RALGAPA1: variants seen among roughly 807,000 people sequenced by gnomAD.
RALGAPA1 encodes ral GTPase-activating protein subunit alpha-1.
RALGAPA1 carries 52 observed loss-of-function variants against 269.6 expected under a neutral mutation model. The observed-to-expected ratio is 0.19, with a 90% CI of 0.15 to 0.24. The LOEUF is 0.24. Ranked by LOEUF, RALGAPA1 falls within the 10% of genes least tolerant of loss-of-function variation. RALGAPA1 has a pLI of 1.00. For synonymous variants in RALGAPA1, 817 were observed against 1,008.3 expected (o/e 0.81, Z 3.60); for missense variants, 1,917 against 3,013.9 (o/e 0.64, Z 8.52).
intron 1 of RALGAPA1, 115 bp from the exon 2 acceptor site, chr14:35,775,860 A>T (rs2074985429): frequency 9.5e-7 from 1 of 1,050,210 alleles, no homozygotes; most frequent in Non-Finnish European, 1.3e-6. Context: ...ATTCTATTCT[A>T]TTAAAATATT....
chr14:35,654,805 C>T (rs988668051), intron 29 of RALGAPA1, among the ~76,000 whole-genome samples: 3 of 152,128 alleles, frequency 2.0e-5, no homozygotes, highest in African/African-American at 7.2e-5. Context: ...ACCACACTTC[C>T]AAATTAATCT....
chr14:35,563,811 C>T (rs968872484), intron 39 of RALGAPA1, among the ~76,000 whole-genome samples: 3 of 152,096 alleles, frequency 2.0e-5, no homozygotes, highest in African/African-American at 7.2e-5. Context: ...TCATCTAATG[C>T]AAAGCCTATA....
chr14:35,602,253 G>C (rs2059336689), intron 36 of RALGAPA1, among the ~76,000 whole-genome samples: 1 of 152,170 alleles, frequency 6.6e-6, no homozygotes. Flanking sequence ...TTTTGCTAGA[G>C]TAAATAATGC....
intron 31 of RALGAPA1, among the ~76,000 whole-genome samples, chr14:35,644,894 T>A (rs1248216986): frequency 6.6e-6 from 1 of 152,152 alleles, no homozygotes; most frequent in Non-Finnish European, 1.5e-5. Flanking sequence ...TGCACATGTA[T>A]CCTGGAACTT....
intron 33 of RALGAPA1, among the ~76,000 whole-genome samples, chr14:35,630,359 C>T (rs2061282691): frequency 1.3e-5 from 2 of 151,796 alleles, no homozygotes; most frequent in African/African-American, 4.8e-5. Flanking sequence ...ACGATCTTGG[C>T]TCACTGCAGC....
chr14:35,765,745 C>G (rs777351479), intron 4 of RALGAPA1: 9 of 375,012 alleles, frequency 2.4e-5, no homozygotes, highest in Non-Finnish European at 4.5e-5. Context: ...ATCCACCCAC[C>G]TTGGCCTCTC....
Position 35,738,505 on chromosome 14 carries a change from T to C in RALGAPA1, c.1587+8A>G. 4 of 1,572,984 alleles carry C rather than the reference T, an allele frequency of 2.5e-6. No homozygotes were observed. The highest frequency in any genetic ancestry group is 3.4e-6 in the Non-Finnish European group (4 of 1,161,084). On this transcript the variant is annotated splice_region_variant and intron_variant, in intron 12 of 41. Transcript: ENST00000680220. ...TTTATTTTTAAAAATAGCCATAAAG[T>C]GATCCACCTGCAAAACTGCCTGGGT... is the stretch of plus-strand genomic sequence containing the variant.
intron 34 of RALGAPA1, among the ~76,000 whole-genome samples, chr14:35,626,791 G>A (rs1255671129): frequency 6.6e-6 from 1 of 151,314 alleles, no homozygotes; most frequent in Non-Finnish European, 1.5e-5. Flanking sequence ...TAATCATATT[G>A]CAGTTTCTAA....
At chr14:35,569,837 C>T (rs12164885) in intron 39 of RALGAPA1, among the ~76,000 whole-genome samples, 16,460 of 152,082 alleles carry the variant, frequency 0.11, 997 homozygotes, top group South Asian at 0.13. Context: ...ACAACATGTA[C>T]GCTGAATACA....
chr14:35,548,768 T>G (rs1267073336), intron 40 of RALGAPA1, among the ~76,000 whole-genome samples: 1 of 152,150 alleles, frequency 6.6e-6, no homozygotes, highest in Non-Finnish European at 1.5e-5. Context: ...GGTGATATTC[T>G]TGGCCACAAA....
In RALGAPA1 at chr14:35,615,350, G is replaced by A. The variant is rs574686575; in HGVS notation, c.6930-9641C>T. ...AACCACAAGGAATAGGAAACAATTAGTCTAGGCAAAGAAAATAAAGAATCT... is the reference window on the plus strand; with the variant it reads ...AACCACAAGGAATAGGAAACAATTAATCTAGGCAAAGAAAATAAAGAATCT... On this transcript the variant is annotated intron_variant, in intron 35 of 41. Coordinates refer to ENST00000680220, the MANE Select transcript of RALGAPA1 (RefSeq NM_001346249.2). Among the ~76,000 whole-genome samples, 3 of 152,226 alleles carry A rather than the reference G, an allele frequency of 2.0e-5. No homozygotes were observed. The East Asian group carries it at 5.8e-4, about 29-fold the overall frequency.
intron 1 of RALGAPA1, among the ~76,000 whole-genome samples, chr14:35,800,840 A>G (rs532106189): frequency 6.6e-6 from 1 of 152,260 alleles, no homozygotes; most frequent in African/African-American, 2.4e-5. Flanking sequence ...ACCTGTCTCT[A>G]CTAAAAATAC....
chr14:35,563,400 T>C (rs939102017), intron 39 of RALGAPA1, among the ~76,000 whole-genome samples: 1 of 152,068 alleles, frequency 6.6e-6, no homozygotes, highest in African/African-American at 2.4e-5. Context: ...GAATAATGAA[T>C]ATGACTTAGC....
At chr14:35,738,374 G>C in intron 12 of RALGAPA1, 139 bp downstream of exon 12, 1 of 469,500 alleles carries the variant, frequency 2.1e-6, no homozygotes, top group Non-Finnish European at 3.5e-6. Flanking sequence ...AGTGATGAAA[G>C]GAAAAAATAA....
At position 35,736,960 on chromosome 14, in the gene RALGAPA1, T is replaced by C. The variant is rs146604142; in HGVS notation, c.1587+1553A>G. Among the ~76,000 whole-genome samples the C allele has an allele frequency of 5.2e-3, 780 of 149,026 alleles. 3 individuals are homozygous for C. Among genetic ancestry groups the C allele is most frequent in the African/African-American group, 0.018 (745 of 40,306 alleles). ...CTGAGGCAGGAGAATTGGTTGAACC[T>C]GGGAGGCAGAGGTTGCAGTGAGCTG... On this transcript the variant is annotated intron_variant, in intron 12 of 41. Transcript: ENST00000680220.
At position 35,805,873 on chromosome 14, in the gene RALGAPA1, A is replaced by C. The variant is rs902193343; in HGVS notation, c.106+2857T>G. 2.6e-5 allele frequency among the ~76,000 whole-genome samples: 4 copies of C among 151,708 alleles called. No individual in the cohort carries two copies. In the East Asian group the frequency reaches 7.8e-4, roughly 29 times the overall value. On this transcript the variant is annotated intron_variant, in intron 1 of 41. Coordinates refer to ENST00000680220, the MANE Select transcript of RALGAPA1 (RefSeq NM_001346249.2). ...CTAATTTTTGTATTTTCAGTAGAGT[A>C]GAGACCCGGTTTCACTCTGTTGGCC...
Position 35,601,719 on chromosome 14 carries a change from T to TA in RALGAPA1, c.7053+3866dup, listed in dbSNP as rs1249914855. Among the ~76,000 whole-genome samples, 10 of 152,316 alleles carry TA rather than the reference T, an allele frequency of 6.6e-5. 1 individual carries two copies. Among genetic ancestry groups the TA allele is most frequent in the Admixed American group, 6.5e-4 (10 of 15,300 alleles). The stretch of plus-strand genomic sequence containing the variant: ...ATTCTTCCGTCCTAAAGTCCCTAGT[T>TA]ATTCTGTCTTTTCTCCATCTTTCAG... On this transcript the variant is annotated intron_variant, in intron 36 of 41. Coordinates refer to ENST00000680220, the MANE Select transcript of RALGAPA1 (RefSeq NM_001346249.2).
intron 19 of RALGAPA1, among the ~76,000 whole-genome samples, chr14:35,686,137 T>C (rs1346022731): frequency 1.3e-5 from 2 of 150,448 alleles, no homozygotes; most frequent in African/African-American, 4.9e-5. Flanking sequence ...TTAAATTATA[T>C]ATTAGATTAT....
intron 29 of RALGAPA1, 86 bp from the exon 30 acceptor site, chr14:35,654,563 A>G: frequency 7.0e-7 from 1 of 1,421,884 alleles, no homozygotes; most frequent in Non-Finnish European, 9.4e-7. Flanking sequence ...TACATTTCAT[A>G]CATTTGTAGG....
Sources: gnomAD v4.1 joint callset for allele counts (sites outside exome capture counted in the v4.1 genomes callset) on GRCh38, gnomAD v4.1.1 for gene constraint, MANE v1.5 for transcripts, NCBI Gene and HGNC (gene_info 2026-07-23, HGNC 2026-07-21) for gene names.